The following DLGAP2 variants were observed in gnomAD, a reference collection of about 807,000 sequenced individuals.
DLGAP2 encodes DLG associated protein 2.
Under a neutral mutation model 100.3 loss-of-function variants are expected in DLGAP2, and 26 were observed. The observed-to-expected ratio is 0.26, with a 90% CI of 0.19 to 0.36. DLGAP2 has a LOEUF of 0.36. DLGAP2 is among the 10% of genes least tolerant of loss of function. The pLI is 1.00. For synonymous variants in DLGAP2, 886 were observed against 630.1 expected (o/e 1.41, Z -6.08); for missense variants, 1,858 against 1,453.2 (o/e 1.28, Z -4.53).
chr8:1,295,214 G>C (rs1342369100), intron 3 of DLGAP2, among the ~76,000 whole-genome samples: 2 of 152,186 alleles, frequency 1.3e-5, no homozygotes, highest in African/African-American at 2.4e-5. Context: ...GTGCCAACCA[G>C]ACTGAAAGCA....
intron 4 of DLGAP2, among the ~76,000 whole-genome samples, chr8:1,545,051 T>C (rs1801488271): frequency 6.6e-6 from 1 of 152,144 alleles, no homozygotes; most frequent in Non-Finnish European, 1.5e-5. Context: ...GCTTTTTGCA[T>C]CTCTATTTAT....
At chr8:787,603 C>T (rs1483898172) in intron 1 of DLGAP2, among the ~76,000 whole-genome samples, 1 of 152,198 alleles carries the variant, frequency 6.6e-6, no homozygotes, top group Non-Finnish European at 1.5e-5. Flanking sequence ...TGGGTGGAAG[C>T]TGGCAGCGCC....
At chr8:1,044,487 C>T (rs1216995591) in intron 2 of DLGAP2, among the ~76,000 whole-genome samples, 1 of 152,190 alleles carries the variant, frequency 6.6e-6, no homozygotes, top group Admixed American at 6.5e-5. Flanking sequence ...TAAACGCAGT[C>T]CTAGCGCTGA....
At chr8:797,434 A>G (rs1230066583) in intron 1 of DLGAP2, among the ~76,000 whole-genome samples, 1 of 152,120 alleles carries the variant, frequency 6.6e-6, no homozygotes, top group Non-Finnish European at 1.5e-5. Context: ...AATGTGCCAC[A>G]TTTCGCCTTT....
Position 1,669,663 on chromosome 8 carries a change from C to G in DLGAP2, c.2161-80C>G, listed in dbSNP as rs1185374328. 9.0e-6 allele frequency: 7 copies of G among 777,264 alleles called. No homozygotes were observed. The African/African-American group carries it at 1.2e-4, about 13-fold the overall frequency. 48.1% of individuals were successfully genotyped at this position (777,264 alleles called of 1,614,324 possible). ...CGGCGCTGGTAGCTAGGCATGCGGG[C>G]GGAGAGAGCAGGGGAGCCGCCCGCT... On this transcript the variant is annotated intron_variant, in intron 9 of 14. Transcript: ENST00000637795.
chr8:1,573,093 G>A (rs1802807271), intron 6 of DLGAP2, among the ~76,000 whole-genome samples: 1 of 111,408 alleles, frequency 9.0e-6, no homozygotes, highest in Non-Finnish European at 1.8e-5. Flanking sequence ...ATGAGATGGA[G>A]AGGAGAGAGG....
At chr8:804,963 G>C (rs1393648484) in intron 1 of DLGAP2, among the ~76,000 whole-genome samples, 1 of 152,002 alleles carries the variant, frequency 6.6e-6, no homozygotes, top group African/African-American at 2.4e-5. Flanking sequence ...TAGAGACGAG[G>C]TCTCCCTATG....
At chr8:922,415 C>T (rs868402658) in intron 2 of DLGAP2, among the ~76,000 whole-genome samples, 3 of 152,112 alleles carry the variant, frequency 2.0e-5, no homozygotes, top group South Asian at 4.1e-4. Context: ...TAATATTTGC[C>T]CCCAAAATTT....
At chr8:1,700,275 T>A (rs971002979) in intron 14 of DLGAP2, among the ~76,000 whole-genome samples, 2 of 152,224 alleles carry the variant, frequency 1.3e-5, no homozygotes, top group African/African-American at 4.8e-5. Context: ...CAAAACTAGA[T>A]ATCTGCTTAG....
chr8:1,333,983 C>T (rs1190820035), intron 3 of DLGAP2, among the ~76,000 whole-genome samples: 1 of 152,238 alleles, frequency 6.6e-6, no homozygotes, highest in Admixed American at 6.5e-5. Context: ...GCCACGTGCT[C>T]CGCAACTGAG....
At chr8:1,487,631 T>C (rs1012308038) in intron 3 of DLGAP2, among the ~76,000 whole-genome samples, 1 of 152,182 alleles carries the variant, frequency 6.6e-6, no homozygotes, top group Non-Finnish European at 1.5e-5. Flanking sequence ...TCCCTGTACA[T>C]GTGTCTGTGA....
At chr8:1,314,616 C>G (rs1428939220) in intron 3 of DLGAP2, among the ~76,000 whole-genome samples, 1 of 152,184 alleles carries the variant, frequency 6.6e-6, no homozygotes, top group Admixed American at 6.5e-5. Flanking sequence ...GATTGAGGGT[C>G]TCATTGGAGA....
chr8:778,602 G>A (rs1182980563), intron 1 of DLGAP2, among the ~76,000 whole-genome samples: 1 of 152,178 alleles, frequency 6.6e-6, no homozygotes, highest in Non-Finnish European at 1.5e-5. Flanking sequence ...GGAGTACCCT[G>A]CCCTGTGTCA....
intron 2 of DLGAP2, among the ~76,000 whole-genome samples, chr8:1,139,793 G>A (rs1796489645): frequency 6.6e-6 from 1 of 152,108 alleles, no homozygotes; most frequent in Non-Finnish European, 1.5e-5. Context: ...AGGTCCCAGG[G>A]GCTCTCTCAG....
intron 4 of DLGAP2, among the ~76,000 whole-genome samples, chr8:1,539,152 C>T (rs951954308): frequency 6.6e-6 from 1 of 152,188 alleles, no homozygotes; most frequent in Non-Finnish European, 1.5e-5. Context: ...TCCTAAAGTG[C>T]TGGGATTCCA....
chr8:1,221,528 A>AT lies in DLGAP2; in HGVS notation c.74-37314dup, dbSNP rs571663168. Among the ~76,000 whole-genome samples, 60 of 150,742 alleles carry AT rather than the reference A, an allele frequency of 4.0e-4. No homozygotes were observed. The South Asian group carries it at 9.7e-3, about 24-fold the overall frequency. ...TGCCTCCTCTCTAGCTGCATTTAGC[A>AT]TTTTTTTTTCATGCTGACTTTGGAG... On this transcript the variant is annotated intron_variant, in intron 2 of 14. Transcript: ENST00000637795.
chr8:1,088,118 G>T (rs746596197), intron 2 of DLGAP2, among the ~76,000 whole-genome samples: 2 of 152,228 alleles, frequency 1.3e-5, no homozygotes, highest in Non-Finnish European at 2.9e-5. Flanking sequence ...TGAGAGCTTT[G>T]CTTGTTCCAC....
intron 3 of DLGAP2, among the ~76,000 whole-genome samples, chr8:1,335,911 G>GGCCCT (rs1274431689): frequency 1.3e-5 from 2 of 151,578 alleles, no homozygotes; most frequent in African/African-American, 2.4e-5. Context: ...GAGGCATCAG[G>GGCCCT]ACCCTAGAGC....
chr8:1,515,174 C>T (rs11778499), intron 4 of DLGAP2, among the ~76,000 whole-genome samples: 21,776 of 152,070 alleles, frequency 0.14, 1,720 homozygotes, highest in Non-Finnish European at 0.16. Flanking sequence ...TTGGAAATCA[C>T]GGAGAGTTGT....
Sources: gnomAD v4.1 joint callset for allele counts (sites outside exome capture counted in the v4.1 genomes callset) on GRCh38, gnomAD v4.1.1 for gene constraint, MANE v1.5 for transcripts, NCBI Gene and HGNC (gene_info 2026-07-23, HGNC 2026-07-21) for gene names.